MYO1E: variants seen among roughly 807,000 people sequenced by gnomAD.
The protein encoded by MYO1E is myosin IE, also known as unconventional myosin-Ie.
In MYO1E, 68 loss-of-function variants were observed where a neutral mutation model predicts 151.1. The observed-to-expected ratio is 0.45, with a 90% CI of 0.37 to 0.55. MYO1E has a LOEUF of 0.55. Among genes scored for constraint, MYO1E ranks in the 20% least tolerant of loss-of-function variants. The pLI is 0.00. For missense variants in MYO1E, 1,363 were observed against 1,389.3 expected, an observed-to-expected ratio of 0.98 and a Z score of 0.30; for synonymous variants, 601 against 501.7, an observed-to-expected ratio of 1.20 and a Z score of -2.64.
chr15:59,291,561 C>G (rs1183302651), intron 1 of MYO1E, among the ~76,000 whole-genome samples: 9 of 151,158 alleles, frequency 6.0e-5, no homozygotes, highest in African/African-American at 1.9e-4. Context: ...GGTGGCCAGG[C>G]GTGGTGGCTC....
At chr15:59,326,568 T>C (rs2080665892) in intron 1 of MYO1E, among the ~76,000 whole-genome samples, 1 of 152,224 alleles carries the variant, frequency 6.6e-6, no homozygotes, top group African/African-American at 2.4e-5. Context: ...TTTTTCAATT[T>C]AAAATCACAA....
At chr15:59,215,730 T>C (rs1458441612) in intron 10 of MYO1E, among the ~76,000 whole-genome samples, 1 of 152,098 alleles carries the variant, frequency 6.6e-6, no homozygotes, top group Non-Finnish European at 1.5e-5. Flanking sequence ...CCACCTCAAA[T>C]TAGGATCACT....
At chr15:59,207,116 A>G in intron 14 of MYO1E, 1 of 1,614,126 alleles carries the variant, frequency 6.2e-7, no homozygotes, top group Non-Finnish European at 8.5e-7. Flanking sequence ...GAGCTTATTG[A>G]GCGTTTCACT....
intron 18 of MYO1E, among the ~76,000 whole-genome samples, chr15:59,187,636 T>C (rs1167922578): frequency 6.6e-6 from 1 of 152,228 alleles, no homozygotes; most frequent in Non-Finnish European, 1.5e-5. Context: ...ACACAGATTT[T>C]CATAGCAGCA....
Position 59,350,061 on chromosome 15 carries a change from TAAGGC to T in MYO1E, c.3+22432_3+22436del, listed in dbSNP as rs1238668048. ...GTTACATAGTCCCAATGGTGGTATC[TAAGGC>T]ATTTTATAATTTTCTTATTAATTGT... is the stretch of plus-strand genomic sequence containing the variant. On this transcript the variant is annotated intron_variant, in intron 1 of 27. Coordinates refer to ENST00000288235, the MANE Select transcript of MYO1E (RefSeq NM_004998.4). This position sits in a 1 kb window ranked among gnomAD's most constrained non-coding sequence, Gnocchi z 5.0. Among the ~76,000 whole-genome samples, 1 of 152,248 alleles carries T rather than the reference TAAGGC, an allele frequency of 6.6e-6. No homozygotes were observed.
chr15:59,357,831 G>A (rs747280989), intron 1 of MYO1E, among the ~76,000 whole-genome samples: 92 of 152,210 alleles, frequency 6.0e-4, no homozygotes, highest in Non-Finnish European at 1.0e-3. Flanking sequence ...ACGGGATGGA[G>A]AGGGGGAGGA....
rs2079873009 is a variant in MYO1E, at chr15:59,210,605, A to G, written c.1276-5T>C. ...TCCCTCTTGAACATATTCTTCCTGT[A>G]ACACAGAGACAAGGAACTCACATTA... On this transcript the variant is annotated splice_polypyrimidine_tract_variant and splice_region_variant and intron_variant, in intron 12 of 27. Coordinates refer to ENST00000288235, the MANE Select transcript of MYO1E (RefSeq NM_004998.4). 1 of 1,570,838 alleles carries G rather than the reference A, an allele frequency of 6.4e-7. No individual in the cohort carries two copies. The highest frequency in any genetic ancestry group is 8.8e-7 in the Non-Finnish European group (1 of 1,140,604).
intron 1 of MYO1E, among the ~76,000 whole-genome samples, chr15:59,297,671 T>G (rs1021384770): frequency 5.3e-5 from 8 of 151,948 alleles, no homozygotes; most frequent in African/African-American, 1.7e-4. Context: ...CACCTCGACC[T>G]CCTGGGCTCA....
intron 1 of MYO1E, among the ~76,000 whole-genome samples, chr15:59,288,133 A>C (rs562562682): frequency 3.9e-5 from 6 of 152,214 alleles, no homozygotes; most frequent in African/African-American, 1.4e-4. Context: ...CGACTCACCA[A>C]ATATTGGGCA....
intron 1 of MYO1E, among the ~76,000 whole-genome samples, chr15:59,324,499 G>T (rs1245590060): frequency 2.0e-5 from 3 of 152,176 alleles, no homozygotes; most frequent in Non-Finnish European, 4.4e-5. Context: ...GAGCATCGGG[G>T]ATGCTAGAGT....
chr15:59,224,586 A>G, intron 8 of MYO1E, 103 bp downstream of exon 8: 1 of 1,483,970 alleles, frequency 6.7e-7, no homozygotes, highest in South Asian at 1.1e-5. Context: ...AGAGGCGGAC[A>G]TTTCATGCAG....
intron 1 of MYO1E, among the ~76,000 whole-genome samples, chr15:59,343,823 T>C (rs542391878): frequency 1.4e-4 from 21 of 152,262 alleles, no homozygotes; most frequent in African/African-American, 3.6e-4. Context: ...AGTACGTCAA[T>C]TGCATTCAGC....
chr15:59,157,875 G>C (rs1383713789), intron 25 of MYO1E, among the ~76,000 whole-genome samples: 1 of 152,210 alleles, frequency 6.6e-6, no homozygotes, highest in African/African-American at 2.4e-5. Flanking sequence ...CCGAGGATAA[G>C]GGGGTGCTGC....
At chr15:59,156,738 A>C (rs2140308458) in intron 25 of MYO1E, among the ~76,000 whole-genome samples, 1 of 152,368 alleles carries the variant, frequency 6.6e-6, no homozygotes, top group African/African-American at 2.4e-5. Flanking sequence ...CAGACTTAGA[A>C]TTCTAAACTG....
intron 14 of MYO1E, chr15:59,207,807 G>A (rs779957082): frequency 2.5e-6 from 4 of 1,614,060 alleles, no homozygotes; most frequent in African/African-American, 1.3e-5. Flanking sequence ...CTGCCTATGA[G>A]ATTATTAAAA....
At chr15:59,317,859 T>G (rs76287821) in intron 1 of MYO1E, among the ~76,000 whole-genome samples, 128 of 152,158 alleles carry the variant, frequency 8.4e-4, no homozygotes, top group African/African-American at 3.0e-3. Flanking sequence ...AATTCAATAT[T>G]TACAATTGAG....
rs1357312061 is a variant in MYO1E at position 59,155,722 on chromosome 15, AG to A, written c.2879-1932del. ...TGCTTGGATTTTCTTCAAAGAAGAA[AG>A]GAGGAGACAGAGCCGGGTCAAGGCA... On this transcript the variant is annotated intron_variant, in intron 25 of 27. Coordinates refer to ENST00000288235, the MANE Select transcript of MYO1E (RefSeq NM_004998.4). 2.0e-5 allele frequency among the ~76,000 whole-genome samples: 3 copies of A among 152,344 alleles called. No homozygotes were observed. In the East Asian group the frequency reaches 5.8e-4, roughly 29 times the overall value.
At chr15:59,252,791 C>G (rs1468362524) in intron 4 of MYO1E, among the ~76,000 whole-genome samples, 2 of 151,622 alleles carry the variant, frequency 1.3e-5, no homozygotes, top group African/African-American at 4.8e-5. Flanking sequence ...GAGGCTGAGG[C>G]AGGAGAATCG....
intron 16 of MYO1E, among the ~76,000 whole-genome samples, chr15:59,196,985 A>ATTTTTT (rs1566976061): frequency 8.8e-5 from 3 of 34,262 alleles, no homozygotes; most frequent in Admixed American, 4.6e-4. Context: ...TTTAATTACG[A>ATTTTTT]CTTTTTTTTT....
Sources: allele counts gnomAD v4.1 joint callset (sites outside exome capture counted in the v4.1 genomes callset), GRCh38; gene constraint gnomAD v4.1.1; non-coding constraint Gnocchi (gnomAD v3.1); transcripts MANE v1.5; gene names NCBI Gene and HGNC (gene_info 2026-07-23, HGNC 2026-07-21).